FMO4: variants seen among roughly 807,000 people sequenced by gnomAD.
FMO4 encodes the protein dimethylaniline monooxygenase [N-oxide-forming] 4.
Under a neutral mutation model 43.3 loss-of-function variants are expected in FMO4, and 38 were observed. The ratio of observed to expected loss-of-function variants is 0.88; its 90% CI spans 0.68 to 1.15. The LOEUF is 1.15. Ranked by LOEUF, FMO4 falls within the 50% of genes most tolerant of loss-of-function variation. The pLI is 0.00. For missense variants in FMO4, 631 were observed against 663.3 expected (o/e 0.95, Z 0.54); for synonymous variants, 224 against 232.2 (o/e 0.96, Z 0.32).
intron 9 of FMO4, among the ~76,000 whole-genome samples, chr1:171,338,651 G>C (rs112343442): frequency 4.6e-5 from 7 of 152,152 alleles, no homozygotes; most frequent in South Asian, 2.1e-4. Context: ...CTTAATAAGA[G>C]AGAAGCCTTC....
At position 171,331,680 on chromosome 1, in the gene FMO4, G is replaced by T; in HGVS notation, c.525G>T (p.Glu175Asp). ...KFKGQILHSQ[E>D]YKIPEGFQGK... ...AAGGTCAGATCCTGCATAGTCAAGA[G>T]TACAAGATCCCAGAAGGCTTTCAGG... The change falls in exon 6 of 10, where the codon GAG becomes GAT. Residue 175 changes from glutamate (E) to aspartate (D), a missense_variant. Glu to Asp is a conservative substitution (Grantham distance 45, BLOSUM62 2). Transcript: ENST00000367749. 1 of 1,613,856 alleles carries T rather than the reference G, an allele frequency of 6.2e-7. No homozygotes were observed. The highest frequency in any genetic ancestry group is 1.1e-5 in the South Asian group (1 of 91,058).
rs565141783 is a variant in FMO4, at chr1:171,339,650, G to A, written c.1251-1763G>A. Among the ~76,000 whole-genome samples, 37 of 152,252 alleles carry A rather than the reference G, an allele frequency of 2.4e-4. No individual in the cohort carries two copies. In the South Asian group the frequency reaches 5.0e-3, roughly 20 times the overall value. Reference sequence around the variant, plus strand: ...AAGAAGGAACAGCTAGCAGATGCCCGGAGAAACCTGAAAAGTGCTAAGGCT... The same window carrying A: ...AAGAAGGAACAGCTAGCAGATGCCCAGAGAAACCTGAAAAGTGCTAAGGCT... On this transcript the variant is annotated intron_variant, in intron 9 of 9. Transcript: ENST00000367749.
intron 5 of FMO4, among the ~76,000 whole-genome samples, chr1:171,330,242 T>G (rs1295475061): frequency 3.3e-5 from 5 of 152,242 alleles, no homozygotes; most frequent in Admixed American, 3.3e-4. Context: ...TGGGCTTCTC[T>G]TTCAGATTCT....
At chr1:171,331,869 C>T (rs976011722) in intron 6 of FMO4, 87 bp downstream of exon 6, 3 of 1,207,210 alleles carry the variant, frequency 2.5e-6, no homozygotes, top group African/African-American at 1.5e-5. Flanking sequence ...AGTACATTGG[C>T]CAATTGCTAA....
chr1:171,334,285 A>G, intron 7 of FMO4, 126 bp from the exon 8 acceptor site: 1 of 624,704 alleles, frequency 1.6e-6, no homozygotes, highest in Non-Finnish European at 2.8e-6. Context: ...ATGACTTTGA[A>G]TTAGACATTG....
At chr1:171,337,481 A>C (rs1267390830) in intron 9 of FMO4, 56 bp downstream of exon 9, 1 of 1,217,688 alleles carries the variant, frequency 8.2e-7, no homozygotes, top group East Asian at 2.3e-5. Context: ...TTACAAAAAA[A>C]GGATTCAGAG....
chr1:171,320,040 G>A, intron 3 of FMO4, 83 bp downstream of exon 3: 1 of 1,502,090 alleles, frequency 6.7e-7, no homozygotes, highest in Non-Finnish European at 9.2e-7. Flanking sequence ...CTGCCTTGGT[G>A]ATCAAGTAAG....
At chr1:171,337,568 T>G in intron 9 of FMO4, 143 bp downstream of exon 9, 1 of 648,380 alleles carries the variant, frequency 1.5e-6, no homozygotes, top group Non-Finnish European at 2.7e-6. Context: ...GATACATTTT[T>G]AGTCCTAACT....
rs1175040665 is a variant in FMO4 at position 171,341,745 on chromosome 1, T to C, written c.1583T>C (p.Leu528Pro). Residue 528 changes from leucine to proline, a missense_variant, in exon 10 of 10, where the codon CTA becomes CCA. By Grantham distance (98) the Leu-to-Pro change is moderately conservative. Coordinates refer to ENST00000367749, the MANE Select transcript of FMO4 (RefSeq NM_002022.3). ...GCACCTGTCCTACTTGCCTCTCTTCTACTTATCTGTAAATCTTCACTTTTC... is the reference window on the plus strand; with the variant it reads ...GCACCTGTCCTACTTGCCTCTCTTCCACTTATCTGTAAATCTTCACTTTTC... ...WGAPVLLASL[L>P]LICKSSLFLK... 1.2e-6 allele frequency: 2 copies of C among 1,613,802 alleles called. No homozygotes were observed. Among genetic ancestry groups the C allele is most frequent in the East Asian group, 2.2e-5 (1 of 44,846 alleles).
intron 9 of FMO4, among the ~76,000 whole-genome samples, chr1:171,339,954 C>A (rs1295740621): frequency 6.6e-6 from 1 of 152,092 alleles, no homozygotes; most frequent in Non-Finnish European, 1.5e-5. Context: ...ATGAAGACTA[C>A]GAGTTTTAGC....
intron 9 of FMO4, among the ~76,000 whole-genome samples, chr1:171,339,875 G>T (rs1397614350): frequency 6.6e-6 from 1 of 152,146 alleles, no homozygotes; most frequent in African/African-American, 2.4e-5. Context: ...AAGAAGTGGG[G>T]TGTCCCAATT....
At chr1:171,325,647 C>A (rs1662624584) in intron 5 of FMO4, among the ~76,000 whole-genome samples, 1 of 151,886 alleles carries the variant, frequency 6.6e-6, no homozygotes, top group Non-Finnish European at 1.5e-5. Flanking sequence ...GCTAAACACA[C>A]AACTGTACAG....
rs150394276 is a variant in FMO4 at position 171,317,210 on chromosome 1, G to A, written c.-9+883G>A. 6.1e-3 allele frequency among the ~76,000 whole-genome samples: 935 copies of A among 152,224 alleles called. 13 individuals are homozygous for A. Among genetic ancestry groups the A allele is most frequent in the African/African-American group, 0.02 (831 of 41,532 alleles). ...GATTTCCCATTTACTGGTCCTAATAGCTCAAAAAATATATGCTCTCTTGTT... is the reference window on the plus strand; with the variant it reads ...GATTTCCCATTTACTGGTCCTAATAACTCAAAAAATATATGCTCTCTTGTT... On this transcript the variant is annotated intron_variant, in intron 2 of 9. Coordinates refer to ENST00000367749, the MANE Select transcript of FMO4 (RefSeq NM_002022.3).
chr1:171,321,568 C>T (rs1376519651), intron 3 of FMO4, among the ~76,000 whole-genome samples: 1 of 152,158 alleles, frequency 6.6e-6, no homozygotes, highest in Non-Finnish European at 1.5e-5. Flanking sequence ...GAAATATGTA[C>T]ACGTTCAATA....
intron 2 of FMO4, among the ~76,000 whole-genome samples, chr1:171,317,389 G>A (rs1209150464): frequency 6.6e-6 from 1 of 152,124 alleles, no homozygotes; most frequent in Non-Finnish European, 1.5e-5. Flanking sequence ...ATACTTTGAG[G>A]TCTCAACTAT....
intron 8 of FMO4, among the ~76,000 whole-genome samples, chr1:171,336,985 A>ACG (rs1663146070): frequency 6.6e-6 from 1 of 150,568 alleles, no homozygotes; most frequent in Non-Finnish European, 1.5e-5. Context: ...ACACACACAC[A>ACG]CGTACAATGT....
chr1:171,324,242 T>C lies in FMO4; in HGVS notation c.426T>C (p.Ala142=). ...EGKQNRAVFD[A]VMVCTGHFLN... is the part of the protein sequence containing the mutation. ...AGCAAAATAGAGCTGTCTTTGATGC[T>C]GTTATGGTTTGCACTGGACATTTCC... Residue 142 remains alanine, a synonymous_variant, in exon 5 of 10, where the codon GCT becomes GCC. Coordinates refer to ENST00000367749, the MANE Select transcript of FMO4 (RefSeq NM_002022.3). 1 of 1,613,640 alleles carries C rather than the reference T, an allele frequency of 6.2e-7. No homozygotes were observed. Among genetic ancestry groups the C allele is most frequent in the Non-Finnish European group, 8.5e-7 (1 of 1,179,740 alleles).
At chr1:171,336,161 G>A (rs1185884404) in intron 8 of FMO4, among the ~76,000 whole-genome samples, 1 of 152,034 alleles carries the variant, frequency 6.6e-6, no homozygotes, top group Non-Finnish European at 1.5e-5. Context: ...CACACCCTGG[G>A]CCAGCACTTG....
At chr1:171,329,600 C>A (rs1392357625) in intron 5 of FMO4, among the ~76,000 whole-genome samples, 1 of 152,228 alleles carries the variant, frequency 6.6e-6, no homozygotes, top group Non-Finnish European at 1.5e-5. Flanking sequence ...TTACAAGCAC[C>A]AGTTGCTGTG....
Sources: allele counts gnomAD v4.1 joint callset (sites outside exome capture counted in the v4.1 genomes callset), GRCh38; gene constraint gnomAD v4.1.1; transcripts MANE v1.5; gene names NCBI Gene and HGNC (gene_info 2026-07-23, HGNC 2026-07-21).